The following PHF20 variants were observed in gnomAD, a reference collection of about 807,000 sequenced individuals.
The protein encoded by PHF20 is glioma-expressed antigen 2.
In PHF20, 23 loss-of-function variants were observed where a neutral mutation model predicts 113.5. That is an observed-to-expected ratio of 0.20 (90% confidence interval 0.15 to 0.29). PHF20 has a LOEUF of 0.29. PHF20 is among the 10% of genes least tolerant of loss of function. PHF20 has a pLI of 1.00. For synonymous variants in PHF20, 434 were observed against 457.3 expected (o/e 0.95, Z 0.65); for missense variants, 943 against 1,219.6 (o/e 0.77, Z 3.38).
At chr20:35,943,700 A>G (rs2056033755) in intron 17 of PHF20, among the ~76,000 whole-genome samples, 1 of 152,050 alleles carries the variant, frequency 6.6e-6, no homozygotes, top group Admixed American at 6.5e-5. Flanking sequence ...GGCTCACCAC[A>G]ACCTCCACCT....
At chr20:35,860,543 G>T (rs1044819649) in intron 5 of PHF20, among the ~76,000 whole-genome samples, 1 of 152,042 alleles carries the variant, frequency 6.6e-6, no homozygotes, top group Non-Finnish European at 1.5e-5. Context: ...ATGCCCAGCC[G>T]ATTCAAAGGA....
At chr20:35,915,398 T>C (rs932694649) in intron 12 of PHF20, among the ~76,000 whole-genome samples, 18 of 151,946 alleles carry the variant, frequency 1.2e-4, no homozygotes, top group African/African-American at 4.3e-4. Context: ...GCTTTGTTTT[T>C]GTTTTTGAGA....
intron 9 of PHF20, among the ~76,000 whole-genome samples, chr20:35,889,867 A>G (rs2147034630): frequency 6.6e-6 from 1 of 152,110 alleles, no homozygotes; most frequent in South Asian, 2.1e-4. Context: ...AGCTGGGACT[A>G]GAAGCATGCA....
intron 1 of PHF20, among the ~76,000 whole-genome samples, chr20:35,791,445 CTAT>C (rs2041546616): frequency 1.7e-3 from 2 of 1,186 alleles, no homozygotes; most frequent in African/African-American, 5.2e-3. Context: ...AGAATAGTAT[CTAT>C]CTATCTATCT....
At chr20:35,803,306 C>T (rs2041819007) in intron 2 of PHF20, among the ~76,000 whole-genome samples, 2 of 148,760 alleles carry the variant, frequency 1.3e-5, no homozygotes, top group Admixed American at 6.7e-5. Flanking sequence ...GGTACATTTT[C>T]AACACAGTTG....
chr20:35,783,934 G>A lies in PHF20; in HGVS notation c.-33+11855G>A, dbSNP rs192164515. Among the ~76,000 whole-genome samples the A allele has an allele frequency of 1.9e-3, 295 of 152,014 alleles. 2 individuals are homozygous for A. The highest frequency in any genetic ancestry group is 2.8e-3 in the Non-Finnish European group (191 of 67,970). On this transcript the variant is annotated intron_variant, in intron 1 of 17. Coordinates refer to ENST00000374012, the MANE Select transcript of PHF20 (RefSeq NM_016436.5). ...CAGGAGGCGGAGGTTGTGGTGAGCCGAGATCGTGCCATTGCACTCTAGCCT... is the reference window on the plus strand; with the variant it reads ...CAGGAGGCGGAGGTTGTGGTGAGCCAAGATCGTGCCATTGCACTCTAGCCT...
intron 4 of PHF20, among the ~76,000 whole-genome samples, chr20:35,854,245 A>C (rs980698709): frequency 5.3e-5 from 8 of 152,154 alleles, no homozygotes; most frequent in Non-Finnish European, 1.5e-5. Flanking sequence ...TGACTGCTAT[A>C]AGATTGTCTG....
chr20:35,933,967 T>C (rs2055815266), intron 15 of PHF20, among the ~76,000 whole-genome samples: 1 of 152,270 alleles, frequency 6.6e-6, no homozygotes, highest in South Asian at 2.1e-4. Flanking sequence ...CAGGTACTTT[T>C]CGAACTGTCT....
At chr20:35,793,995 CAA>C (rs56189104) in intron 1 of PHF20, among the ~76,000 whole-genome samples, 5 of 33,836 alleles carry the variant, frequency 1.5e-4, no homozygotes, top group Admixed American at 1.4e-3. Context: ...GACTCTGTCT[CAA>C]AAAAAAAAAA....
intron 17 of PHF20, among the ~76,000 whole-genome samples, chr20:35,947,001 C>T (rs2056097585): frequency 6.6e-6 from 1 of 152,224 alleles, no homozygotes; most frequent in Non-Finnish European, 1.5e-5. Context: ...TGCCACCGCG[C>T]CCGGCTGGGA....
intron 4 of PHF20, among the ~76,000 whole-genome samples, chr20:35,848,027 G>A (rs1768644167): frequency 6.6e-6 from 1 of 152,098 alleles, no homozygotes; most frequent in Non-Finnish European, 1.5e-5. Flanking sequence ...CAGGATCCTG[G>A]CACCTGGAGA....
At chr20:35,873,473 T>TG (rs1042839010) in intron 9 of PHF20, among the ~76,000 whole-genome samples, 3 of 148,098 alleles carry the variant, frequency 2.0e-5, no homozygotes, top group Non-Finnish European at 4.5e-5. Flanking sequence ...TTTGTTTTTT[T>TG]TTTTTTTTTT....
intron 1 of PHF20, among the ~76,000 whole-genome samples, chr20:35,790,410 AG>A (rs1472209084): frequency 6.6e-6 from 1 of 151,928 alleles, no homozygotes; most frequent in Non-Finnish European, 1.5e-5. Flanking sequence ...CATGTTGACA[AG>A]GCTGGTCTCA....
intron 9 of PHF20, among the ~76,000 whole-genome samples, chr20:35,880,198 T>C (rs1056904532): frequency 6.6e-6 from 1 of 152,188 alleles, no homozygotes; most frequent in African/African-American, 2.4e-5. Flanking sequence ...GTTGGTGCTT[T>C]AGCGGCAGGG....
intron 2 of PHF20, among the ~76,000 whole-genome samples, chr20:35,805,354 T>TTATTATTA (rs776924388): frequency 2.8e-4 from 35 of 125,192 alleles, no homozygotes; most frequent in East Asian, 4.2e-4. Flanking sequence ...CGCCTGATTT[T>TTATTATTA]TTATTATTAT....
intron 9 of PHF20, among the ~76,000 whole-genome samples, chr20:35,890,198 T>C (rs1306251878): frequency 1.3e-5 from 2 of 151,656 alleles, no homozygotes; most frequent in Admixed American, 1.3e-4. Flanking sequence ...CATCTACTTT[T>C]TGTATTTTTT....
At chr20:35,791,483 ATCTATCTATCT>A (rs1229391310) in intron 1 of PHF20, among the ~76,000 whole-genome samples, 125 of 144,228 alleles carry the variant, frequency 8.7e-4, no homozygotes, top group African/African-American at 3.1e-3. Flanking sequence ...CTATCTATCT[ATCTATCTATCT>A]ATCTATCTTA....
chr20:35,932,428 ATTT>A (rs753265544), intron 15 of PHF20, among the ~76,000 whole-genome samples: 14 of 104,640 alleles, frequency 1.3e-4, no homozygotes, highest in African/African-American at 4.2e-4. Flanking sequence ...CATCTTAACC[ATTT>A]TTTTTTTTTT....
rs1275623880 is a variant in PHF20 at position 35,891,154 on chromosome 20, A to G, written c.1283-8216A>G. On this transcript the variant is annotated intron_variant, in intron 9 of 17. Coordinates refer to ENST00000374012, the MANE Select transcript of PHF20 (RefSeq NM_016436.5). ...CACTTTGGGAGGCCAAGGTGGGTGG[A>G]TCACTTGCAGTCAGGAGTTTGAGAC... is the stretch of plus-strand genomic sequence containing the variant. Among the ~76,000 whole-genome samples, 3 of 152,168 alleles carry G rather than the reference A, an allele frequency of 2.0e-5. No individual in the cohort carries two copies. In the East Asian group the frequency reaches 5.8e-4, roughly 29 times the overall value.
Sources: gnomAD v4.1 joint callset for allele counts (sites outside exome capture counted in the v4.1 genomes callset) on GRCh38, gnomAD v4.1.1 for gene constraint, MANE v1.5 for transcripts, NCBI Gene and HGNC (gene_info 2026-07-23, HGNC 2026-07-21) for gene names.